The following ACYP2 variants were observed in gnomAD, a reference collection of about 807,000 sequenced individuals.
The protein encoded by ACYP2 is acylphosphatase 2, also known as acylphosphatase-2.
ACYP2 carries 12 observed loss-of-function variants against 11.2 expected under a neutral mutation model. The ratio of observed to expected loss-of-function variants is 1.08; its 90% confidence interval spans 0.69 to 1.74. The LOEUF is 1.74. ACYP2 is among the 40% of genes most tolerant of loss of function. The pLI is 0.00. For missense variants in ACYP2, 134 were observed against 101.9 expected (o/e 1.31, Z -1.35); for synonymous variants, 43 against 32.2 (o/e 1.33, Z -1.13).
chr2:54,301,640 T>C (rs1214983151), intron 6 of ACYP2, among the ~76,000 whole-genome samples: 1 of 152,202 alleles, frequency 6.6e-6, no homozygotes, highest in Non-Finnish European at 1.5e-5. Flanking sequence ...AGTGATTTTA[T>C]ATATATGTAT....
intron 6 of ACYP2, among the ~76,000 whole-genome samples, chr2:54,161,866 C>G (rs1313316812): frequency 6.6e-6 from 1 of 151,840 alleles, no homozygotes; most frequent in Non-Finnish European, 1.5e-5. Context: ...TTTTCAAACT[C>G]TAGATGGAGC....
At position 54,165,322 on chromosome 2, in the gene ACYP2, A is replaced by G. The variant is rs534535113; in HGVS notation, c.404+26574A>G. 5.3e-5 allele frequency among the ~76,000 whole-genome samples: 8 copies of G among 152,288 alleles called. No homozygotes were observed. The East Asian group carries it at 1.5e-3, about 29-fold the overall frequency. ...AGGGTCCTCTGCCTTATTTCCTGCA[A>G]TCATGAATATGTTTTGAATACTGCT... On this transcript the variant is annotated intron_variant, in intron 6 of 6. Transcript: ENST00000607452.
chr2:54,203,591 GT>G (rs1387426012), intron 6 of ACYP2, among the ~76,000 whole-genome samples: 1 of 152,150 alleles, frequency 6.6e-6, no homozygotes, highest in Non-Finnish European at 1.5e-5. Flanking sequence ...TTAGCTGTGG[GT>G]TTCTTGTAGA....
intron 6 of ACYP2, among the ~76,000 whole-genome samples, chr2:54,194,410 A>G (rs927029625): frequency 6.6e-6 from 1 of 152,174 alleles, no homozygotes; most frequent in African/African-American, 2.4e-5. Context: ...TAAAACATCA[A>G]TATTTGGAAG....
At chr2:54,059,581 C>T (rs1676359351) in intron 4 of ACYP2, among the ~76,000 whole-genome samples, 1 of 152,218 alleles carries the variant, frequency 6.6e-6, no homozygotes, top group South Asian at 2.1e-4. Flanking sequence ...ACTAATACTA[C>T]ATTCAACATT....
intron 2 of ACYP2, among the ~76,000 whole-genome samples, chr2:54,012,235 C>CAA (rs773858784): frequency 2.1e-5 from 2 of 96,574 alleles, no homozygotes; most frequent in Non-Finnish European, 4.3e-5. Flanking sequence ...GACTCCGTCT[C>CAA]AAAAAAAAAA....
intron 6 of ACYP2, among the ~76,000 whole-genome samples, chr2:54,206,453 A>G (rs1024376932): frequency 6.6e-6 from 1 of 152,230 alleles, no homozygotes; most frequent in African/African-American, 2.4e-5. Context: ...AGATTATGTT[A>G]TCATATGTTC....
intron 6 of ACYP2, among the ~76,000 whole-genome samples, chr2:54,224,390 C>A (rs561828783): frequency 6.6e-6 from 1 of 152,326 alleles, no homozygotes; most frequent in East Asian, 1.9e-4. Context: ...CGGGGGTTGT[C>A]CCCCTACCCA....
At chr2:54,100,170 A>G (rs1168713687) in intron 4 of ACYP2, among the ~76,000 whole-genome samples, 2 of 150,116 alleles carry the variant, frequency 1.3e-5, no homozygotes, top group Non-Finnish European at 2.9e-5. Flanking sequence ...GAACATTTAC[A>G]TGTTTTGACT....
chr2:54,048,558 G>A (rs893476659), intron 2 of ACYP2, among the ~76,000 whole-genome samples: 1 of 152,082 alleles, frequency 6.6e-6, no homozygotes, highest in Non-Finnish European at 1.5e-5. Flanking sequence ...CCCCACTGGA[G>A]TGCAGTATCA....
intron 6 of ACYP2, among the ~76,000 whole-genome samples, chr2:54,288,453 T>C (rs765109911): frequency 1.3e-5 from 2 of 152,064 alleles, no homozygotes; most frequent in African/African-American, 2.4e-5. Flanking sequence ...TCATTATGTA[T>C]ATTCTCTAGG....
chr2:54,035,009 CAAAAAAAAAAA>C (rs550142135), intron 2 of ACYP2, among the ~76,000 whole-genome samples: 12 of 44,748 alleles, frequency 2.7e-4, no homozygotes, highest in Admixed American at 6.3e-4. Flanking sequence ...GACTACATCT[CAAAAAAAAAAA>C]AAAAAAAAAA....
chr2:54,049,824 T>C (rs960347973), intron 2 of ACYP2, among the ~76,000 whole-genome samples: 1 of 152,232 alleles, frequency 6.6e-6, no homozygotes, highest in African/African-American at 2.4e-5. Context: ...TTCTGAGCAA[T>C]TCCTTTCTTC....
At chr2:53,994,085 C>T (rs1401736003) in intron 2 of ACYP2, among the ~76,000 whole-genome samples, 1 of 152,028 alleles carries the variant, frequency 6.6e-6, no homozygotes, top group East Asian at 1.9e-4. Flanking sequence ...AATCCCAGCA[C>T]TTTGGGAGTC....
chr2:54,185,073 C>T (rs1032214765), intron 6 of ACYP2, among the ~76,000 whole-genome samples: 1 of 152,132 alleles, frequency 6.6e-6, no homozygotes, highest in African/African-American at 2.4e-5. Context: ...TCTTGAACTC[C>T]TTAAGCAATT....
At chr2:54,004,060 T>A (rs1672933765) in intron 2 of ACYP2, among the ~76,000 whole-genome samples, 1 of 152,150 alleles carries the variant, frequency 6.6e-6, no homozygotes, top group Admixed American at 6.6e-5. Flanking sequence ...CTCAGCTTAC[T>A]GTAACCTCTG....
intron 4 of ACYP2, among the ~76,000 whole-genome samples, chr2:54,095,656 G>C (rs182839744): frequency 0.23 from 30,751 of 133,468 alleles, 4,097 homozygotes; most frequent in South Asian, 0.44. Flanking sequence ...TGGCCGCGCG[G>C]GGGGCTGACC....
At chr2:53,985,705 A>C (rs1345929337) in intron 2 of ACYP2, among the ~76,000 whole-genome samples, 6 of 152,100 alleles carry the variant, frequency 3.9e-5, no homozygotes, top group Non-Finnish European at 8.8e-5. Context: ...TCAGTGTTGG[A>C]GTTGGGGCCT....
intron 4 of ACYP2, among the ~76,000 whole-genome samples, chr2:54,064,851 C>T (rs183645189): frequency 6.6e-6 from 1 of 151,958 alleles, no homozygotes; most frequent in Non-Finnish European, 1.5e-5. Context: ...TTTGGGAGGC[C>T]GAAGCGGGCG....
Sources: allele counts gnomAD v4.1 joint callset (sites outside exome capture counted in the v4.1 genomes callset), GRCh38; gene constraint gnomAD v4.1.1; transcripts MANE v1.5; gene names NCBI Gene and HGNC (gene_info 2026-07-23, HGNC 2026-07-21).